Variants in CPNE8 observed in about 807,000 individuals in gnomAD.
CPNE8 encodes copine 8, also known as copine-8.
In CPNE8, 45 loss-of-function variants were observed where a neutral mutation model predicts 81.5. The observed-to-expected ratio is 0.55, with a 90% CI of 0.44 to 0.71. The LOEUF is 0.71. Among genes scored for constraint, CPNE8 ranks in the 30% least tolerant of loss-of-function variants. The probability of loss-of-function intolerance (pLI) is 0.00; values close to 1 mark genes in which losing one functional copy is unlikely to be tolerated. For missense variants in CPNE8, 594 were observed against 672.1 expected, an observed-to-expected ratio of 0.88 and a Z score of 1.28; for synonymous variants, 252 against 226.3, an observed-to-expected ratio of 1.11 and a Z score of -1.02.
chr12:38,681,703 T>C (rs937532972), intron 16 of CPNE8, among the ~76,000 whole-genome samples: 2 of 152,222 alleles, frequency 1.3e-5, no homozygotes, highest in African/African-American at 2.4e-5. Context: ...TATGAAATCC[T>C]ACCTGAGTTT....
At chr12:38,892,701 A>C (rs1343728369) in intron 1 of CPNE8, among the ~76,000 whole-genome samples, 1 of 152,248 alleles carries the variant, frequency 6.6e-6, no homozygotes, top group African/African-American at 2.4e-5. Context: ...ACAACTGATC[A>C]GAGGAAGCAC....
chr12:38,777,777 G>A (rs557705770), intron 6 of CPNE8, among the ~76,000 whole-genome samples: 1 of 152,238 alleles, frequency 6.6e-6, no homozygotes, highest in East Asian at 1.9e-4. Flanking sequence ...GCTAGACCAG[G>A]GGTCTGCAAC....
At chr12:38,765,045 A>C (rs1314163919) in intron 8 of CPNE8, among the ~76,000 whole-genome samples, 1 of 152,118 alleles carries the variant, frequency 6.6e-6, no homozygotes, top group Non-Finnish European at 1.5e-5. Context: ...TACTTTTGAC[A>C]CTTGAAACAT....
chr12:38,883,606 T>C (rs1352892348), intron 1 of CPNE8, among the ~76,000 whole-genome samples: 1 of 152,182 alleles, frequency 6.6e-6, no homozygotes, highest in Non-Finnish European at 1.5e-5. Context: ...GGCTGTTTAG[T>C]AGTGATATGT....
intron 13 of CPNE8, among the ~76,000 whole-genome samples, chr12:38,709,611 G>A (rs1940198466): frequency 6.6e-6 from 1 of 152,144 alleles, no homozygotes; most frequent in Non-Finnish European, 1.5e-5. Flanking sequence ...TTAAGTAGAT[G>A]ACTCATTATT....
intron 13 of CPNE8, among the ~76,000 whole-genome samples, chr12:38,705,132 A>G (rs1241575474): frequency 6.6e-6 from 1 of 151,960 alleles, no homozygotes; most frequent in African/African-American, 2.4e-5. Flanking sequence ...AAAGTAAATC[A>G]TCTGAAAACA....
intron 10 of CPNE8, among the ~76,000 whole-genome samples, chr12:38,741,188 G>C (rs1271217230): frequency 1.3e-5 from 2 of 152,062 alleles, no homozygotes; most frequent in East Asian, 3.9e-4. Context: ...CCACTTTAAA[G>C]TTCATATGGA....
intron 6 of CPNE8, among the ~76,000 whole-genome samples, chr12:38,803,000 T>C (rs1304690022): frequency 3.1e-5 from 4 of 129,630 alleles, no homozygotes; most frequent in Non-Finnish European, 6.4e-5. Context: ...GGCTCTGAAA[T>C]TGTGGCAATA....
chr12:38,677,428 C>A (rs1212524891), intron 17 of CPNE8, 24 bp downstream of exon 17: 2 of 1,286,378 alleles, frequency 1.6e-6, no homozygotes, highest in Non-Finnish European at 2.3e-6. Flanking sequence ...GTAGCGAGCC[C>A]AATACGGAGT....
chr12:38,878,713 T>C (rs2137116962), intron 1 of CPNE8, among the ~76,000 whole-genome samples: 1 of 152,334 alleles, frequency 6.6e-6, no homozygotes, highest in South Asian at 2.1e-4. Flanking sequence ...TAAAATTGTA[T>C]CTCATGCTTG....
intron 19 of CPNE8, among the ~76,000 whole-genome samples, chr12:38,655,710 A>C (rs1417510791): frequency 6.6e-6 from 1 of 152,148 alleles, no homozygotes; most frequent in Non-Finnish European, 1.5e-5. Flanking sequence ...AAACCAAGAA[A>C]AATTTTAAGA....
chr12:38,785,666 T>A (rs868034075), intron 6 of CPNE8, among the ~76,000 whole-genome samples: 38 of 152,220 alleles, frequency 2.5e-4, no homozygotes, highest in African/African-American at 8.0e-4. Flanking sequence ...ACTTCTTTCC[T>A]TTATAATTTA....
chr12:38,758,446 G>A (rs144270066), intron 10 of CPNE8, among the ~76,000 whole-genome samples: 2 of 152,154 alleles, frequency 1.3e-5, no homozygotes, highest in East Asian at 3.9e-4. Context: ...CACAGAATAA[G>A]TCCAATGTCC....
intron 19 of CPNE8, among the ~76,000 whole-genome samples, chr12:38,656,267 A>G (rs1027492815): frequency 1.3e-5 from 2 of 151,852 alleles, no homozygotes; most frequent in African/African-American, 4.8e-5. Flanking sequence ...AATGCTTTAA[A>G]TGTTAACATT....
chr12:38,673,663 T>C (rs938699840), intron 18 of CPNE8, among the ~76,000 whole-genome samples: 8 of 152,170 alleles, frequency 5.3e-5, no homozygotes, highest in African/African-American at 1.9e-4. Context: ...TACAGGAGCC[T>C]AATTCCCTGT....
At chr12:38,838,555 T>G (rs913917172) in intron 5 of CPNE8, among the ~76,000 whole-genome samples, 10 of 152,198 alleles carry the variant, frequency 6.6e-5, no homozygotes, top group African/African-American at 1.9e-4. Context: ...TTTTAGGACA[T>G]TTGCAAAACT....
chr12:38,665,402 G>A (rs1454419109), intron 19 of CPNE8, among the ~76,000 whole-genome samples: 1 of 152,152 alleles, frequency 6.6e-6, no homozygotes, highest in East Asian at 1.9e-4. Context: ...TCTATAGGAA[G>A]TATGGTATAC....
chr12:38,887,951 T>C (rs1382645978), intron 1 of CPNE8, among the ~76,000 whole-genome samples: 2 of 152,232 alleles, frequency 1.3e-5, no homozygotes, highest in Non-Finnish European at 2.9e-5. Flanking sequence ...TGGACAATGA[T>C]CCTCCAAATA....
chr12:38,799,811 G>T (rs933956451), intron 6 of CPNE8, among the ~76,000 whole-genome samples: 1 of 143,984 alleles, frequency 6.9e-6, no homozygotes, highest in Non-Finnish European at 1.6e-5. Flanking sequence ...CACCGTGCGC[G>T]AGCCGAAGCA....
Sources: gnomAD v4.1 joint callset for allele counts (sites outside exome capture counted in the v4.1 genomes callset) on GRCh38, gnomAD v4.1.1 for gene constraint, MANE v1.5 for transcripts, NCBI Gene and HGNC (gene_info 2026-07-23, HGNC 2026-07-21) for gene names.